ZFP64: variants seen among roughly 807,000 people sequenced by gnomAD.
ZFP64 encodes zinc finger protein 64.
ZFP64 carries 14 observed loss-of-function variants against 51.6 expected under a neutral mutation model. The ratio of observed to expected loss-of-function variants is 0.27; its 90% confidence interval spans 0.18 to 0.42. The LOEUF (loss-of-function observed/expected upper bound fraction) is 0.42, where lower values mean the gene tolerates loss of function less well. Ranked by LOEUF, ZFP64 falls within the 10% of genes least tolerant of loss-of-function variation. The pLI, the probability that ZFP64 is intolerant of heterozygous loss-of-function variation, is 1.00. For missense variants in ZFP64, 754 were observed against 906.8 expected, an observed-to-expected ratio of 0.83 and a Z score of 2.16; for synonymous variants, 375 against 361.4, an observed-to-expected ratio of 1.04 and a Z score of -0.43.
chr20:52,084,342 G>A (rs1238739562), exon 9 of ZFP64: 2 of 564,254 alleles, frequency 3.5e-6, no homozygotes, highest in Non-Finnish European at 6.2e-6. Context: ...ATAATCCTTG[G>A]AGGGAAGAGA....
In ZFP64 at chr20:52,160,914, T is replaced by G. The variant is rs75945925; in HGVS notation, c.512-540A>C. Among the ~76,000 whole-genome samples the G allele has an allele frequency of 0.025, 3,816 of 152,230 alleles. 160 individuals are homozygous for G. Among genetic ancestry groups the G allele is most frequent in the African/African-American group, 0.088 (3,654 of 41,504 alleles). The stretch of plus-strand genomic sequence containing the variant: ...AGAGGAAACGGCTTGCCTTTTACAT[T>G]TTCTCTTTTCCTGCTTCTAGCCAAG... On this transcript the variant is annotated intron_variant, in intron 4 of 5. Coordinates refer to ENST00000216923, the MANE Select transcript of ZFP64 (RefSeq NM_018197.3). The surrounding 1 kb of genome is among the most constrained non-coding windows in gnomAD (Gnocchi z 4.2).
At chr20:52,175,968 A>G (rs1335663557) in intron 2 of ZFP64, 4 of 985,190 alleles carry the variant, frequency 4.1e-6, no homozygotes, top group Non-Finnish European at 4.8e-6. Context: ...TGGGCGTTAG[A>G]CCGGCCCAAA....
At chr20:52,161,561 G>A (rs1401569439) in intron 4 of ZFP64, among the ~76,000 whole-genome samples, 5 of 148,890 alleles carry the variant, frequency 3.4e-5, no homozygotes, top group South Asian at 2.1e-4. Flanking sequence ...TACCCACAAC[G>A]CGGTTGTTAA....
intron 5 of ZFP64, among the ~76,000 whole-genome samples, chr20:52,131,449 C>T (rs1284801373): frequency 6.6e-6 from 1 of 152,078 alleles, no homozygotes; most frequent in African/African-American, 2.4e-5. Context: ...GATTAAAAAA[C>T]AAGACCCACT....
At chr20:52,155,598 T>A (rs1981252432) in intron 5 of ZFP64, among the ~76,000 whole-genome samples, 1 of 152,146 alleles carries the variant, frequency 6.6e-6, no homozygotes, top group Non-Finnish European at 1.5e-5. Context: ...TTGCAGAGCT[T>A]AACAACGTTT....
intron 5 of ZFP64, among the ~76,000 whole-genome samples, chr20:52,155,169 T>C (rs1468205657): frequency 6.6e-6 from 1 of 152,238 alleles, no homozygotes; most frequent in Non-Finnish European, 1.5e-5. Flanking sequence ...GCGGCAGCTC[T>C]AGTAACTACA....
chr20:52,119,792 A>G (rs1443814843), intron 5 of ZFP64, among the ~76,000 whole-genome samples: 2 of 152,002 alleles, frequency 1.3e-5, no homozygotes, highest in African/African-American at 2.4e-5. Context: ...AAAGACCAGG[A>G]GGCAAAGAGA....
At chr20:52,120,240 G>C (rs190223801) in intron 5 of ZFP64, among the ~76,000 whole-genome samples, 2 of 152,130 alleles carry the variant, frequency 1.3e-5, no homozygotes, top group Non-Finnish European at 2.9e-5. Context: ...AATTTTTGTT[G>C]TGTGTAAGCT....
chr20:52,149,265 C>G (rs1404253413), downstream of ZFP64, among the ~76,000 whole-genome samples: 1 of 140,266 alleles, frequency 7.1e-6, no homozygotes, highest in Non-Finnish European at 1.5e-5. Context: ...ACTTTTGAAT[C>G]TACTTACAGA....
At chr20:52,141,223 T>C (rs1980240366) in intron 5 of ZFP64, among the ~76,000 whole-genome samples, 1 of 152,220 alleles carries the variant, frequency 6.6e-6, no homozygotes, top group African/African-American at 2.4e-5. Flanking sequence ...CTGTAGCCCA[T>C]GGATGAGGGG....
chr20:52,089,441 A>T (rs1474754803), intron 7 of ZFP64, among the ~76,000 whole-genome samples: 1 of 152,214 alleles, frequency 6.6e-6, no homozygotes, highest in African/African-American at 2.4e-5. Context: ...AGAATGTACA[A>T]CATCAAGAGT....
chr20:52,186,875 C>T lies in ZFP64; in HGVS notation c.243G>A (p.Gln81=), dbSNP rs1984004732. 1 of 1,613,310 alleles carries T rather than the reference C, an allele frequency of 6.2e-7. No homozygotes were observed. The highest frequency in any genetic ancestry group is 1.3e-5 in the African/African-American group (1 of 74,890). Residue 81 remains glutamine, a synonymous_variant, in exon 2 of 6, where the codon CAG becomes CAA. Coordinates refer to ENST00000216923, the MANE Select transcript of ZFP64 (RefSeq NM_018197.3). ...SEETVPATQT[Q]TTTRTITSET... ...CCGAGGTGATGGTTCTGGTGGTGGT[C>T]TGAGTCTGGGTGGCAGGCACTGTTT...
At chr20:52,176,506 T>TC (rs1491557767) in intron 2 of ZFP64, among the ~76,000 whole-genome samples, 16 of 124,138 alleles carry the variant, frequency 1.3e-4, no homozygotes, top group African/African-American at 4.1e-4. Context: ...TCAATCTCTC[T>TC]TTTTTTTTTT....
At chr20:52,189,362 C>A (rs974419079) in intron 1 of ZFP64, among the ~76,000 whole-genome samples, 33 of 149,656 alleles carry the variant, frequency 2.2e-4, no homozygotes, top group Non-Finnish European at 4.4e-4. Context: ...TGCCACTGAA[C>A]TTCCAGCCTG....
downstream of ZFP64, among the ~76,000 whole-genome samples, chr20:52,147,157 A>G (rs968921808): frequency 2.0e-5 from 3 of 152,190 alleles, no homozygotes; most frequent in Non-Finnish European, 4.4e-5. Context: ...TCCATTGTAA[A>G]CATTATTCAG....
At chr20:52,143,778 G>A (rs1187360297) in intron 5 of ZFP64, among the ~76,000 whole-genome samples, 1 of 141,988 alleles carries the variant, frequency 7.0e-6, no homozygotes, top group Non-Finnish European at 1.6e-5. Flanking sequence ...TGGAATCCTT[G>A]GGCTCATGTG....
intron 5 of ZFP64, among the ~76,000 whole-genome samples, chr20:52,111,209 T>A (rs1978556008): frequency 6.8e-6 from 1 of 147,046 alleles, no homozygotes; most frequent in African/African-American, 2.5e-5. Flanking sequence ...TTTTTTTTTT[T>A]TTTTTTTTTT....
intron 5 of ZFP64, among the ~76,000 whole-genome samples, chr20:52,156,973 T>G (rs1981373151): frequency 6.6e-6 from 1 of 152,126 alleles, no homozygotes; most frequent in Non-Finnish European, 1.5e-5. Context: ...GTAAGCAGAA[T>G]TTAGAGGGAA....
At chr20:52,137,050 C>T (rs1305953364) in intron 5 of ZFP64, among the ~76,000 whole-genome samples, 1 of 152,286 alleles carries the variant, frequency 6.6e-6, no homozygotes, top group Admixed American at 6.5e-5. Context: ...CAGGTGTGAG[C>T]CACCGTGCCT....
Sources: allele counts gnomAD v4.1 joint callset (sites outside exome capture counted in the v4.1 genomes callset), GRCh38; gene constraint gnomAD v4.1.1; non-coding constraint Gnocchi (gnomAD v3.1); transcripts MANE v1.5; gene names NCBI Gene and HGNC (gene_info 2026-07-23, HGNC 2026-07-21).